The following GPR20 variants were observed in gnomAD, a reference collection of about 807,000 sequenced individuals.
The protein encoded by GPR20 is CTD-3064M3.3.
For missense variants in GPR20, 494 were observed against 527.4 expected (o/e 0.94, Z 0.62); for synonymous variants, 241 against 241.9 (o/e 1.00, Z 0.04).
At chr8:141,360,748 A>G (rs1201155346) in intron 1 of GPR20, among the ~76,000 whole-genome samples, 1 of 152,080 alleles carries the variant, frequency 6.6e-6, no homozygotes, top group Non-Finnish European at 1.5e-5. Context: ...TGCTCTCCGG[A>G]GGGCCCGGGT....
intron 1 of GPR20, among the ~76,000 whole-genome samples, chr8:141,360,247 C>A (rs1409727632): frequency 2.0e-5 from 3 of 152,222 alleles, no homozygotes; most frequent in Non-Finnish European, 4.4e-5. Flanking sequence ...TGACCCTGAT[C>A]TCAAACAAAG....
chr8:141,366,293 G>A (rs113193609), intron 1 of GPR20, among the ~76,000 whole-genome samples: 11,606 of 152,270 alleles, frequency 0.076, 1,399 homozygotes, highest in African/African-American at 0.26. Flanking sequence ...GTCCTGGGGG[G>A]AGAGGGGAGG....
chr8:141,358,843 G>A (rs1381615689), intron 1 of GPR20, among the ~76,000 whole-genome samples: 2 of 152,184 alleles, frequency 1.3e-5, no homozygotes, highest in Non-Finnish European at 2.9e-5. Context: ...GGTTGGGGCT[G>A]AAGCCTGGAG....
chr8:141,360,930 G>T (rs1485438299), intron 1 of GPR20, among the ~76,000 whole-genome samples: 6 of 152,214 alleles, frequency 3.9e-5, no homozygotes. Context: ...GAGAGGCATG[G>T]TTTTACCCTC....
At chr8:141,363,084 G>A (rs1831760832) in intron 1 of GPR20, among the ~76,000 whole-genome samples, 1 of 152,220 alleles carries the variant, frequency 6.6e-6, no homozygotes, top group Admixed American at 6.5e-5. Context: ...ATGGTCTTTG[G>A]TTTGCAGGCC....
At chr8:141,359,166 T>C (rs1831697038) in intron 1 of GPR20, among the ~76,000 whole-genome samples, 1 of 152,060 alleles carries the variant, frequency 6.6e-6, no homozygotes, top group African/African-American at 2.4e-5. Context: ...CTCCCCCACC[T>C]GCTGGAGAAG....
At chr8:141,364,204 C>T (rs56251106) in intron 1 of GPR20, among the ~76,000 whole-genome samples, 4 of 152,162 alleles carry the variant, frequency 2.6e-5, no homozygotes, top group South Asian at 2.1e-4. Context: ...GGGGATTCTC[C>T]GGGCCCTGAG....
intron 1 of GPR20, among the ~76,000 whole-genome samples, chr8:141,362,623 T>C (rs1586510862): frequency 6.6e-6 from 1 of 152,176 alleles, no homozygotes; most frequent in Admixed American, 6.5e-5. Flanking sequence ...TGGTCTGGAA[T>C]TGGCTTCCAC....
chr8:141,365,366 G>A (rs906513813), intron 1 of GPR20, among the ~76,000 whole-genome samples: 1 of 152,240 alleles, frequency 6.6e-6, no homozygotes, highest in Admixed American at 6.5e-5. Flanking sequence ...ACCCAGCTGG[G>A]GTGCAGGAGG....
intron 1 of GPR20, among the ~76,000 whole-genome samples, chr8:141,364,039 G>C (rs1831778597): frequency 6.6e-6 from 1 of 152,270 alleles, no homozygotes; most frequent in Admixed American, 6.5e-5. Flanking sequence ...AGGGGTGAGT[G>C]GTGTCCTCAC....
intron 1 of GPR20, among the ~76,000 whole-genome samples, chr8:141,359,588 A>G (rs1290589765): frequency 6.6e-6 from 1 of 152,158 alleles, no homozygotes; most frequent in Non-Finnish European, 1.5e-5. Flanking sequence ...CAAGCTCTCT[A>G]TCTCCAGGCC....
chr8:141,362,048 G>T (rs1389522403), intron 1 of GPR20, among the ~76,000 whole-genome samples: 1 of 152,018 alleles, frequency 6.6e-6, no homozygotes, highest in Admixed American at 6.5e-5. Context: ...TCCCTGGGAG[G>T]GGCCTGAGGC....
chr8:141,357,345 GGGCCGGCTGCCTGTCAC>G lies in GPR20; in HGVS notation c.562_578del (p.Val188LeufsTer126). ...CAGTCAGCGCAAAGACACGGCAGCA[GGGCCGGCTGCCTGTCAC>G]GCCCAGCACCGACAGGGTGACGGCA... On this transcript the variant is annotated frameshift_variant, in exon 2 of 2. Transcript: ENST00000377741. LOFTEE classifies it low-confidence loss of function (END_TRUNC). 6.4e-7 allele frequency: 1 copy of G among 1,550,590 alleles called. No individual in the cohort carries two copies. Among genetic ancestry groups the G allele is most frequent in the Non-Finnish European group, 8.7e-7 (1 of 1,152,638 alleles).
At position 141,357,716 on chromosome 8, in the gene GPR20, G is replaced by C. The variant is rs1350499028; in HGVS notation, c.208C>G (p.Leu70Val). 4 of 1,613,256 alleles carry C rather than the reference G, an allele frequency of 2.5e-6. No homozygotes were observed. The highest frequency in any genetic ancestry group is 3.4e-6 in the Non-Finnish European group (4 of 1,179,956). The change falls in exon 2 of 2, where the codon CTC becomes GTC. Residue 70 changes from leucine (L) to valine (V), a missense_variant. By Grantham distance (32) the Leu-to-Val change is conservative (BLOSUM62 1). Coordinates refer to ENST00000377741, the MANE Select transcript of GPR20 (RefSeq NM_005293.3). Reference sequence around the variant, plus strand: ...AAGACGTACAGCGCCAGCCCGTTGAGCACCAGCCCTGCCAGGAAGATGGCT... The same window carrying C: ...AAGACGTACAGCGCCAGCCCGTTGACCACCAGCCCTGCCAGGAAGATGGCT... ...HGAIFLAGLV[L>V]NGLALYVFCC...
Position 141,357,967 on chromosome 8 carries a change from G to A in GPR20, c.-24-20C>T. 7.9e-7 allele frequency: 1 copy of A among 1,258,694 alleles called. No individual in the cohort carries two copies. Among genetic ancestry groups the A allele is most frequent in the South Asian group, 1.5e-5 (1 of 68,256 alleles). 78.0% of individuals were successfully genotyped at this position (1,258,694 alleles called of 1,614,324 possible). Reference sequence around the variant, plus strand: ...CCAGGCCTGGAAGCAAGGAGACCAGGTCACCCCAGGCGCCAGCCTGGCCTT... The same window carrying A: ...CCAGGCCTGGAAGCAAGGAGACCAGATCACCCCAGGCGCCAGCCTGGCCTT... On this transcript the variant is annotated intron_variant, in intron 1 of 1. Coordinates refer to ENST00000377741, the MANE Select transcript of GPR20 (RefSeq NM_005293.3).
chr8:141,363,659 C>T (rs1195175324), intron 1 of GPR20, among the ~76,000 whole-genome samples: 1 of 152,256 alleles, frequency 6.6e-6, no homozygotes, highest in Non-Finnish European at 1.5e-5. Context: ...TCCAGCGGGG[C>T]ACCAGGGTCA....
intron 1 of GPR20, among the ~76,000 whole-genome samples, chr8:141,363,945 C>A (rs1447018247): frequency 6.6e-6 from 1 of 152,366 alleles, no homozygotes; most frequent in South Asian, 2.1e-4. Context: ...CTTTTCCCCA[C>A]AGAGGGGCTC....
chr8:141,358,634 C>T (rs1831688429), intron 1 of GPR20, among the ~76,000 whole-genome samples: 4 of 152,208 alleles, frequency 2.6e-5, no homozygotes, highest in Admixed American at 2.6e-4. Context: ...TCCTCCTAGG[C>T]CAGCATCAGG....
Position 141,357,115 on chromosome 8 carries a change from A to C in GPR20, c.809T>G (p.Met270Arg). 6.2e-7 allele frequency: 1 copy of C among 1,611,848 alleles called. No homozygotes were observed. Among genetic ancestry groups the C allele is most frequent in the Non-Finnish European group, 8.5e-7 (1 of 1,179,928 alleles). The change falls in exon 2 of 2, where the codon ATG (methionine) becomes AGG (arginine). Residue 270 changes from methionine to arginine, a missense_variant. Physicochemically the swap from Met to Arg is moderately conservative, Grantham distance 91 (BLOSUM62 -1). Coordinates refer to ENST00000377741, the MANE Select transcript of GPR20 (RefSeq NM_005293.3). Reference sequence around the variant, plus strand: ...GACCACGAGGCTCGTGTGGTGTGGCATGTCGGGCCACAGCGCCACGGCCAC... The same window carrying C: ...GACCACGAGGCTCGTGTGGTGTGGCCTGTCGGGCCACAGCGCCACGGCCAC... ...RQVAVALWPD[M>R]PHHTSLVVYH...
Sources: allele counts gnomAD v4.1 joint callset (sites outside exome capture counted in the v4.1 genomes callset), GRCh38; gene constraint gnomAD v4.1.1; transcripts MANE v1.5; gene names NCBI Gene and HGNC (gene_info 2026-07-23, HGNC 2026-07-21).